Variants in ABAT observed in about 807,000 individuals in gnomAD.
ABAT encodes 4-aminobutyrate aminotransferase.
A neutral mutation model predicts 64.6 loss-of-function variants in ABAT; 45 were observed. The observed-to-expected ratio is 0.70, with a 90% confidence interval of 0.55 to 0.89. The LOEUF is 0.89. ABAT is among the 40% of genes least tolerant of loss of function. The probability of loss-of-function intolerance (pLI) is 0.00; values close to 1 mark genes in which losing one functional copy is unlikely to be tolerated. For missense variants in ABAT, 633 were observed against 658.4 expected (o/e 0.96, Z 0.42); for synonymous variants, 297 against 250.5 (o/e 1.19, Z -1.75).
intron 1 of ABAT, among the ~76,000 whole-genome samples, chr16:8,727,103 G>C (rs2058580523): frequency 1.3e-5 from 2 of 152,122 alleles, no homozygotes; most frequent in African/African-American, 4.8e-5. Context: ...TCCCTTGTGA[G>C]AGGAGTAGTT....
chr16:8,681,890 C>G (rs539992675), intron 1 of ABAT, among the ~76,000 whole-genome samples: 1 of 152,228 alleles, frequency 6.6e-6, no homozygotes, highest in East Asian at 1.9e-4. Context: ...GATCCACCCG[C>G]CTCGGCCTCC....
intron 1 of ABAT, among the ~76,000 whole-genome samples, chr16:8,700,364 T>C (rs754983950): frequency 6.6e-6 from 1 of 152,180 alleles, no homozygotes; most frequent in African/African-American, 2.4e-5. Flanking sequence ...TAAACTTACA[T>C]ACGCGGCTCC....
At chr16:8,738,016 G>GAAAGAAAGAGAAAGAAAGAAAGAAAGAAA (rs377342959) in intron 2 of ABAT, among the ~76,000 whole-genome samples, 1 of 57,686 alleles carries the variant, frequency 1.7e-5, no homozygotes, top group Non-Finnish European at 3.7e-5. Flanking sequence ...AAGAAAGAAA[G>GAAAGAAAGAGAAAGAAAGAAAGAAAGAAA]GAAAGAAAGA....
In ABAT at chr16:8,727,382, C is replaced by T. The variant is rs138546945; in HGVS notation, c.-41-8317C>T. On this transcript the variant is annotated intron_variant, in intron 1 of 15. Transcript: ENST00000268251. Reference sequence around the variant, plus strand: ...TGTGCACCAGGATCCTTAGCTACTCCGTGTCATCATACACCTCCGAGCACT... The same window carrying T: ...TGTGCACCAGGATCCTTAGCTACTCTGTGTCATCATACACCTCCGAGCACT... 5.3e-4 allele frequency among the ~76,000 whole-genome samples: 81 copies of T among 152,280 alleles called. 1 individual carries two copies. The East Asian group carries it at 8.3e-3, about 16-fold the overall frequency.
intron 1 of ABAT, among the ~76,000 whole-genome samples, chr16:8,699,444 G>A (rs1596404497): frequency 6.6e-6 from 1 of 152,130 alleles, no homozygotes; most frequent in African/African-American, 2.4e-5. Context: ...TGCAATTCCA[G>A]CTACTTAGGA....
intron 6 of ABAT, among the ~76,000 whole-genome samples, chr16:8,762,491 C>T (rs1197793611): frequency 6.6e-6 from 1 of 152,226 alleles, no homozygotes; most frequent in Non-Finnish European, 1.5e-5. Flanking sequence ...TGCACAGCCA[C>T]TTAAGCCAAA....
intron 1 of ABAT, among the ~76,000 whole-genome samples, chr16:8,729,449 T>C (rs1433012222): frequency 6.6e-6 from 1 of 152,180 alleles, no homozygotes; most frequent in African/African-American, 2.4e-5. Context: ...GCCTCCCTTT[T>C]ATCATCTCTG....
At chr16:8,677,067 G>A (rs572802929) in intron 1 of ABAT, among the ~76,000 whole-genome samples, 5 of 152,308 alleles carry the variant, frequency 3.3e-5, no homozygotes, top group Admixed American at 6.5e-5. Context: ...TAGAGAGGCC[G>A]AGAGGTTGGT....
rs141268875 is a variant in ABAT, at chr16:8,709,922, G to A, written c.-41-25777G>A. ...TCGGTTCTCAAGCCATCCTCCCTCC[G>A]CCGCCTGAGTAGCTGGGACTACAGA... On this transcript the variant is annotated intron_variant, in intron 1 of 15. Coordinates refer to ENST00000268251, the MANE Select transcript of ABAT (RefSeq NM_020686.6). Among the ~76,000 whole-genome samples, 553 of 151,602 alleles carry A rather than the reference G, an allele frequency of 3.6e-3. 5 individuals carry two copies. The highest frequency in any genetic ancestry group is 0.012 in the African/African-American group (516 of 41,306).
At chr16:8,773,158 A>T (rs1261089599) in intron 12 of ABAT, among the ~76,000 whole-genome samples, 1,515 of 126,904 alleles carry the variant, frequency 0.012, 34 homozygotes, top group African/African-American at 0.044. Flanking sequence ...ATATATATAT[A>T]TTTTTTTTTT....
chr16:8,691,279 G>A (rs538601581), intron 1 of ABAT, among the ~76,000 whole-genome samples: 1 of 152,286 alleles, frequency 6.6e-6, no homozygotes, highest in African/African-American at 2.4e-5. Context: ...GGCTATTACA[G>A]AACTTGCACC....
intron 1 of ABAT, among the ~76,000 whole-genome samples, chr16:8,728,213 T>C (rs1371334833): frequency 3.9e-5 from 6 of 152,250 alleles, no homozygotes; most frequent in African/African-American, 1.4e-4. Flanking sequence ...GTTTGAAATA[T>C]ATTGTGCTAA....
intron 6 of ABAT, among the ~76,000 whole-genome samples, chr16:8,761,380 C>A (rs1161340079): frequency 6.6e-6 from 1 of 152,226 alleles, no homozygotes; most frequent in Non-Finnish European, 1.5e-5. Context: ...TTACTGCCTT[C>A]CGGCTGTGTC....
At chr16:8,699,389 A>T (rs918304678) in intron 1 of ABAT, among the ~76,000 whole-genome samples, 1 of 152,126 alleles carries the variant, frequency 6.6e-6, no homozygotes, top group Non-Finnish European at 1.5e-5. Flanking sequence ...CAACATGGTG[A>T]AACCCTATCT....
intron 1 of ABAT, chr16:8,722,972 C>A: frequency 1.2e-6 from 1 of 823,676 alleles, no homozygotes; most frequent in Non-Finnish European, 1.7e-6. Context: ...GGCAAGGTGG[C>A]TCATGCCTGT....
intron 1 of ABAT, among the ~76,000 whole-genome samples, chr16:8,717,037 C>T (rs1234637588): frequency 6.6e-6 from 1 of 152,200 alleles, no homozygotes; most frequent in African/African-American, 2.4e-5. Context: ...CGTCTGTAAT[C>T]CCAGCACTTT....
In ABAT at chr16:8,764,065, G is replaced by T; in HGVS notation, c.367-4G>T. 6.2e-7 allele frequency: 1 copy of T among 1,613,840 alleles called. No individual in the cohort carries two copies. The highest frequency in any genetic ancestry group is 8.5e-7 in the Non-Finnish European group (1 of 1,179,908). Reference sequence around the variant, plus strand: ...GTCACCATTTGTCTCTTGCCCTTTTGCAGAGCATGTTTGTCAACAGACCCG... The same window carrying T: ...GTCACCATTTGTCTCTTGCCCTTTTTCAGAGCATGTTTGTCAACAGACCCG... On this transcript the variant is annotated splice_region_variant and splice_polypyrimidine_tract_variant and intron_variant, in intron 6 of 15. Transcript: ENST00000268251. This position sits in a 1 kb window ranked among gnomAD's most constrained non-coding sequence, Gnocchi z 4.2.
chr16:8,717,018 G>T (rs993382351), intron 1 of ABAT, among the ~76,000 whole-genome samples: 1 of 152,170 alleles, frequency 6.6e-6, no homozygotes, highest in African/African-American at 2.4e-5. Context: ...GGCCGGGCAC[G>T]GTAGCTCGCG....
chr16:8,749,386 CTTTTTTTTTTTTTTTT>C (rs1160144275), intron 4 of ABAT, among the ~76,000 whole-genome samples: 5 of 31,984 alleles, frequency 1.6e-4, no homozygotes, highest in Non-Finnish European at 2.8e-4. Context: ...CGCACCCGGC[CTTTTTTTTTTTTTTTT>C]TTTTTTTTTT....
Sources: allele counts gnomAD v4.1 joint callset (sites outside exome capture counted in the v4.1 genomes callset), GRCh38; gene constraint gnomAD v4.1.1; non-coding constraint Gnocchi (gnomAD v3.1); transcripts MANE v1.5; gene names NCBI Gene and HGNC (gene_info 2026-07-23, HGNC 2026-07-21).